Variants in DOCK8 observed in about 807,000 individuals in gnomAD.
DOCK8 encodes dedicator of cytokinesis protein 8.
A neutral mutation model predicts 245.6 loss-of-function variants in DOCK8; 141 were observed. The ratio of observed to expected loss-of-function variants is 0.57; its 90% confidence interval spans 0.50 to 0.66. DOCK8 has a LOEUF of 0.66. Ranked by LOEUF, DOCK8 falls within the 30% of genes least tolerant of loss-of-function variation. The pLI, the probability that DOCK8 is intolerant of heterozygous loss-of-function variation, is 0.00. For synonymous variants in DOCK8, 1,168 were observed against 970.2 expected (o/e 1.20, Z -3.79); for missense variants, 2,965 against 2,603.4 (o/e 1.14, Z -3.02).
rs774553933 is a variant in DOCK8, at chr9:452,094, A to G, written c.6045A>G (p.Leu2015=). 4.3e-6 allele frequency: 7 copies of G among 1,609,402 alleles called. No individual in the cohort carries two copies. The highest frequency in any genetic ancestry group is 5.9e-6 in the Non-Finnish European group (7 of 1,178,132). Residue 2015 remains leucine, a synonymous_variant, in exon 46 of 48, where the codon TTA becomes TTG. Transcript: ENST00000432829. ...KLYRHHNKLR[L]CFKEFIMRCG... ...ATCGACATCACAACAAGTTGAGGTTATGCTTTAAGGAATTCATCATGAGGT... is the reference window on the plus strand; with the variant it reads ...ATCGACATCACAACAAGTTGAGGTTGTGCTTTAAGGAATTCATCATGAGGT...
chr9:235,639 A>T (rs1186228251), intron 1 of DOCK8, among the ~76,000 whole-genome samples: 1 of 152,172 alleles, frequency 6.6e-6, no homozygotes, highest in African/African-American at 2.4e-5. Context: ...GCCGCCTTGC[A>T]GTTTGATCTC....
At chr9:436,246 TTTC>T (rs1283235698) in intron 39 of DOCK8, among the ~76,000 whole-genome samples, 1 of 152,226 alleles carries the variant, frequency 6.6e-6, no homozygotes, top group Non-Finnish European at 1.5e-5. Context: ...GCAAATGAAT[TTTC>T]TTCTTAATTC....
intron 45 of DOCK8, among the ~76,000 whole-genome samples, chr9:450,143 G>C (rs185272547): frequency 1.2e-3 from 186 of 152,220 alleles, no homozygotes; most frequent in African/African-American, 4.3e-3. Context: ...AGAAATCCTA[G>C]AGATGAGTGG....
chr9:275,731 GGC>G, intron 2 of DOCK8, among the ~76,000 whole-genome samples: 1 of 152,018 alleles, frequency 6.6e-6, no homozygotes, highest in African/African-American at 2.4e-5. Context: ...TAGGAATACA[GGC>G]GTGCACCACC....
intron 1 of DOCK8, among the ~76,000 whole-genome samples, chr9:265,804 T>C (rs1382601232): frequency 6.6e-6 from 1 of 152,062 alleles, no homozygotes; most frequent in East Asian, 1.9e-4. Flanking sequence ...TTCTTGTGCA[T>C]CTTCACCTGT....
intron 1 of DOCK8, among the ~76,000 whole-genome samples, chr9:256,582 T>A (rs954358110): frequency 6.6e-6 from 1 of 152,172 alleles, no homozygotes; most frequent in African/African-American, 2.4e-5. Context: ...TAACTAAATT[T>A]GGTTAGCTGG....
chr9:426,480 G>A (rs114697262), intron 33 of DOCK8, among the ~76,000 whole-genome samples: 18 of 152,096 alleles, frequency 1.2e-4, no homozygotes, highest in African/African-American at 4.3e-4. Context: ...ACTCTCTCTC[G>A]CATGTTGCAG....
intron 43 of DOCK8, among the ~76,000 whole-genome samples, chr9:444,003 G>T (rs1039771622): frequency 6.6e-6 from 1 of 152,128 alleles, no homozygotes; most frequent in African/African-American, 2.4e-5. Flanking sequence ...ACACTTAGTG[G>T]CTTCCTTCTT....
intron 19 of DOCK8, 56 bp from the exon 20 acceptor site, chr9:376,921 C>T: frequency 1.4e-6 from 2 of 1,468,914 alleles, no homozygotes. Context: ...TTTGTGAATC[C>T]ACTGGTGAAC....
rs779949287 is a variant in DOCK8, at chr9:432,138, A to G, written c.4627-28A>G. The G allele has an allele frequency of 6.5e-6, 10 of 1,536,266 alleles. No individual in the cohort carries two copies. The South Asian group carries it at 7.9e-5, about 12-fold the overall frequency. On this transcript the variant is annotated intron_variant, in intron 36 of 47. Coordinates refer to ENST00000432829, the MANE Select transcript of DOCK8 (RefSeq NM_203447.4). ...CTGCTAAGTGTGTCTTATTTACTTC[A>G]TCTTTTTTTTTTTTTTCACTGATGC...
chr9:327,500 C>G (rs1019950964), intron 8 of DOCK8, among the ~76,000 whole-genome samples: 6 of 150,792 alleles, frequency 4.0e-5, no homozygotes, highest in Non-Finnish European at 8.8e-5. Flanking sequence ...TTCAAGTGAT[C>G]CATCCTCCCA....
intron 30 of DOCK8, 126 bp downstream of exon 30, chr9:418,333 G>A (rs1281831638): frequency 1.9e-5 from 25 of 1,303,184 alleles, no homozygotes; most frequent in East Asian, 4.7e-5. Flanking sequence ...GTGCAGTGGC[G>A]CAATCTCAGT....
intron 2 of DOCK8, among the ~76,000 whole-genome samples, chr9:276,181 G>A (rs2048339977): frequency 1.3e-5 from 2 of 149,402 alleles, no homozygotes; most frequent in Admixed American, 6.7e-5. Context: ...TTGAGCCACT[G>A]CGCTCGGCCC....
chr9:401,927 C>T (rs2055129602), intron 26 of DOCK8, among the ~76,000 whole-genome samples: 1 of 152,182 alleles, frequency 6.6e-6, no homozygotes, highest in South Asian at 2.1e-4. Flanking sequence ...CACCCTGACC[C>T]CTGCCCTGCA....
chr9:386,515 G>GTGC, intron 23 of DOCK8, 89 bp downstream of exon 23: 1 of 1,132,352 alleles, frequency 8.8e-7, no homozygotes, highest in East Asian at 2.6e-5. Context: ...AATAGTCAAA[G>GTGC]TGCTCCCCTG....
At chr9:283,814 G>A (rs974865086) in intron 2 of DOCK8, among the ~76,000 whole-genome samples, 7 of 152,174 alleles carry the variant, frequency 4.6e-5, no homozygotes, top group African/African-American at 1.2e-4. Context: ...TGTATAAGGT[G>A]TATATGAAAC....
rs766490034 is a variant in DOCK8, at chr9:464,237, C to T, written c.*18C>T. The T allele has an allele frequency of 3.1e-6, 5 of 1,609,398 alleles. No homozygotes were observed. Among genetic ancestry groups the T allele is most frequent in the South Asian group, 1.1e-5 (1 of 90,992 alleles). ...GCAGCTAAGAAAAGCCATCTTCATT[C>T]GTGGAGACTGTGGCCCTGCAACCCT... On this transcript the variant is annotated 3_prime_UTR_variant, in exon 48 of 48. Coordinates refer to ENST00000432829, the MANE Select transcript of DOCK8 (RefSeq NM_203447.4).
At chr9:391,788 A>G (rs2054201560) in intron 24 of DOCK8, among the ~76,000 whole-genome samples, 1 of 144,550 alleles carries the variant, frequency 6.9e-6, no homozygotes, top group South Asian at 2.2e-4. Flanking sequence ...CTTTATATTC[A>G]TTGGGTTCTT....
At chr9:393,994 G>A (rs1360326358) in intron 24 of DOCK8, among the ~76,000 whole-genome samples, 2 of 152,190 alleles carry the variant, frequency 1.3e-5, no homozygotes, top group Non-Finnish European at 2.9e-5. Flanking sequence ...CTGGGGCCTA[G>A]AAAAATCTGG....
Sources: gnomAD v4.1 joint callset for allele counts (sites outside exome capture counted in the v4.1 genomes callset) on GRCh38, gnomAD v4.1.1 for gene constraint, MANE v1.5 for transcripts, NCBI Gene and HGNC (gene_info 2026-07-23, HGNC 2026-07-21) for gene names.